VPS26C: variants seen among roughly 807,000 people sequenced by gnomAD.
VPS26C encodes the protein vacuolar protein sorting-associated protein 26C.
A neutral mutation model predicts 30.6 loss-of-function variants in VPS26C; 19 were observed. The ratio of observed to expected loss-of-function variants is 0.62; its 90% confidence interval spans 0.43 to 0.91. The LOEUF (loss-of-function observed/expected upper bound fraction) is 0.91. VPS26C is among the 40% of genes least tolerant of loss of function. The pLI is 0.00. For synonymous variants in VPS26C, 132 were observed against 151.5 expected (o/e 0.87, Z 0.95); for missense variants, 318 against 385.1 (o/e 0.83, Z 1.46).
chr21:37,237,285 A>G lies in VPS26C; in HGVS notation c.351+1175T>C, dbSNP rs191485756. ...CTTGTATTTTTAAATCAACCATATT[A>G]AAGAACTGCCGTGTGGATAAAGCAA... is the stretch of plus-strand genomic sequence containing the variant. On this transcript the variant is annotated intron_variant, in intron 3 of 7. Coordinates refer to ENST00000309117, the MANE Select transcript of VPS26C (RefSeq NM_006052.2). 5.3e-5 allele frequency: 8 copies of G among 152,360 alleles called. No homozygotes were observed. The East Asian group carries it at 1.3e-3, about 26-fold the overall frequency. The allele number at this position is 152,360 out of a possible 1,614,324, so 9.4% of individuals were successfully genotyped here. A position where few individuals can be genotyped will look rare whatever the true frequency, so the allele number is the denominator to read the frequency against.
chr21:37,267,619 C>A, upstream of VPS26C: 1 of 366,048 alleles, frequency 2.7e-6, no homozygotes. Flanking sequence ...CCTTTGCTGT[C>A]CGGGTTAGCG....
chr21:37,258,912 C>T (rs1046620415), intron 1 of VPS26C, among the ~76,000 whole-genome samples: 5 of 152,218 alleles, frequency 3.3e-5, no homozygotes, highest in Admixed American at 6.5e-5. Flanking sequence ...TCCCAGTTTT[C>T]AGACAATCTC....
chr21:37,233,121 C>G lies in VPS26C; in HGVS notation c.432+241G>C, dbSNP rs1033769877. Among the ~76,000 whole-genome samples the G allele has an allele frequency of 1.3e-5, 2 of 152,206 alleles. No homozygotes were observed. Among genetic ancestry groups the G allele is most frequent in the Non-Finnish European group, 2.9e-5 (2 of 68,042 alleles). ...GAGCCAGGGGGAGGAAAGGTCCTGC[C>G]TGATGTGCCGACGTGGAGTCCCTCT... On this transcript the variant is annotated intron_variant, in intron 4 of 7. Coordinates refer to ENST00000309117, the MANE Select transcript of VPS26C (RefSeq NM_006052.2). This position sits in a 1 kb window ranked among gnomAD's most constrained non-coding sequence, Gnocchi z 5.2.
chr21:37,266,347 T>C (rs1003344719), intron 1 of VPS26C, among the ~76,000 whole-genome samples: 1 of 152,196 alleles, frequency 6.6e-6, no homozygotes, highest in Admixed American at 6.5e-5. Context: ...TGAAATTCTG[T>C]CCCTTTTGAG....
intron 1 of VPS26C, chr21:37,261,828 T>C (rs76620324): frequency 3.5e-4 from 53 of 152,250 alleles, no homozygotes; most frequent in African/African-American, 1.2e-3. Flanking sequence ...CAAGGTCCTT[T>C]GGAGCAGGGT....
chr21:37,238,482 TG>T lies in VPS26C; in HGVS notation c.328del (p.His110MetfsTer15), dbSNP rs2086047987. The T allele has an allele frequency of 6.2e-7, 1 of 1,614,042 alleles. No individual in the cohort carries two copies. The highest frequency in any genetic ancestry group is 8.5e-7 in the Non-Finnish European group (1 of 1,180,030). ...CACCTGAATGTTGACAAACACGCCA[TG>T]ATACGTCTCATACAGAACTTTGTTA... The part of the protein sequence containing the change: ...KGNKVLYETY[H>X]GVFVNIQYTL... On this transcript the variant is annotated frameshift_variant, in exon 3 of 8. Transcript: ENST00000309117. LOFTEE classifies it high-confidence loss of function.
chr21:37,256,173 G>T (rs2086241480), intron 1 of VPS26C, among the ~76,000 whole-genome samples: 1 of 152,194 alleles, frequency 6.6e-6, no homozygotes, highest in African/African-American at 2.4e-5. Context: ...AACAGAACTT[G>T]TAAGTTTTGA....
chr21:37,236,595 C>G (rs1382010297), intron 3 of VPS26C, among the ~76,000 whole-genome samples: 3 of 152,070 alleles, frequency 2.0e-5, no homozygotes, highest in Non-Finnish European at 4.4e-5. Context: ...GACTCTGAAA[C>G]TAACTTTAAA....
intron 1 of VPS26C, among the ~76,000 whole-genome samples, chr21:37,260,566 T>C (rs1365066194): frequency 6.6e-6 from 1 of 152,184 alleles, no homozygotes; most frequent in Non-Finnish European, 1.5e-5. Flanking sequence ...AGTGGAAGGA[T>C]GCTTAGGGAG....
chr21:37,237,979 G>T (rs116448104), intron 3 of VPS26C, among the ~76,000 whole-genome samples: 1 of 152,182 alleles, frequency 6.6e-6, no homozygotes, highest in Non-Finnish European at 1.5e-5. Flanking sequence ...TGTCAAAGAC[G>T]TCCCTTAACC....
intron 1 of VPS26C, among the ~76,000 whole-genome samples, chr21:37,256,249 A>G (rs1334259902): frequency 3.3e-5 from 5 of 152,228 alleles, no homozygotes; most frequent in African/African-American, 1.2e-4. Context: ...GCTAGTCACA[A>G]CATCCTATAA....
Position 37,240,354 on chromosome 21 carries a change from G to A in VPS26C, c.201+142C>T, listed in dbSNP as rs759197773. 1.3e-5 allele frequency: 11 copies of A among 850,086 alleles called. 1 individual carries two copies. The South Asian group carries it at 1.7e-4, about 13-fold the overall frequency. The allele number at this position is 850,086 out of a possible 1,614,324, so 52.7% of individuals were successfully genotyped here. On this transcript the variant is annotated intron_variant, in intron 2 of 7. Coordinates refer to ENST00000309117, the MANE Select transcript of VPS26C (RefSeq NM_006052.2). ...TGCCCAGGCTACTCTCAAACTCCTG[G>A]GCTCAAGCGATCCTCCCGCCTTGGC...
chr21:37,247,906 CATGCCTGCA>C (rs537918379), intron 1 of VPS26C, among the ~76,000 whole-genome samples: 19 of 152,146 alleles, frequency 1.2e-4, no homozygotes, highest in Non-Finnish European at 2.8e-4. Context: ...TGTGGTGGCT[CATGCCTGCA>C]ATTCTAGCAC....
intron 1 of VPS26C, among the ~76,000 whole-genome samples, chr21:37,250,910 A>AG (rs1266395484): frequency 6.6e-6 from 1 of 151,646 alleles, no homozygotes; most frequent in African/African-American, 2.4e-5. Flanking sequence ...AAAAAAAAAA[A>AG]AAAAAAGACA....
intron 1 of VPS26C, among the ~76,000 whole-genome samples, chr21:37,251,969 T>C (rs1399389676): frequency 2.0e-5 from 3 of 152,220 alleles, no homozygotes; most frequent in Non-Finnish European, 4.4e-5. Context: ...CCAATGGTCC[T>C]GGCAGTGGGA....
chr21:37,238,703 C>T lies in VPS26C; in HGVS notation c.202-94G>A, dbSNP rs528143818. The T allele has an allele frequency of 9.6e-6, 14 of 1,453,228 alleles. No individual in the cohort carries two copies. In the South Asian group the frequency reaches 1.8e-4, roughly 19 times the overall value. 90.0% of individuals were successfully genotyped at this position (1,453,228 alleles called of 1,614,324 possible). On this transcript the variant is annotated intron_variant, in intron 2 of 7. Transcript: ENST00000309117. ...TTCTGAAGGACACAGCACCCCGACC[C>T]CCTGGAGGCCACCATCCTGCTGTCT...
chr21:37,250,902 A>C (rs75934681), intron 1 of VPS26C, among the ~76,000 whole-genome samples: 5 of 150,598 alleles, frequency 3.3e-5, no homozygotes, highest in Non-Finnish European at 5.9e-5. Context: ...TCCATTTCAA[A>C]AAAAAAAAAA....
At chr21:37,245,429 A>T (rs989401975) in intron 1 of VPS26C, among the ~76,000 whole-genome samples, 2 of 152,128 alleles carry the variant, frequency 1.3e-5, no homozygotes, top group African/African-American at 4.8e-5. Context: ...GCCTTAGGCA[A>T]CTGCCCACGT....
intron 1 of VPS26C, among the ~76,000 whole-genome samples, chr21:37,263,854 A>C (rs1253690535): frequency 6.6e-6 from 1 of 152,170 alleles, no homozygotes; most frequent in Non-Finnish European, 1.5e-5. Flanking sequence ...AAAAGAGAAA[A>C]TGTGTATGCT....
Sources: gnomAD v4.1 joint callset for allele counts (sites outside exome capture counted in the v4.1 genomes callset) on GRCh38, gnomAD v4.1.1 for gene constraint, Gnocchi (gnomAD v3.1) non-coding constraint, MANE v1.5 for transcripts, NCBI Gene and HGNC (gene_info 2026-07-23, HGNC 2026-07-21) for gene names.